The following FER variants were observed in gnomAD, a reference collection of about 807,000 sequenced individuals.
The protein encoded by FER is tyrosine-protein kinase Fer.
Under a neutral mutation model 111.0 loss-of-function variants are expected in FER, and 63 were observed. The ratio of observed to expected loss-of-function variants is 0.57; its 90% confidence interval spans 0.46 to 0.70. The LOEUF is 0.70. FER is among the 30% of genes least tolerant of loss of function. The pLI, the probability that FER is intolerant of heterozygous loss-of-function variation, is 0.00. For missense variants in FER, 914 were observed against 954.0 expected (o/e 0.96, Z 0.55); for synonymous variants, 327 against 313.9 (o/e 1.04, Z -0.44).
chr5:109,050,855 A>G (rs1200101330), intron 16 of FER, among the ~76,000 whole-genome samples: 2 of 152,190 alleles, frequency 1.3e-5, no homozygotes, highest in Non-Finnish European at 2.9e-5. Flanking sequence ...ACTTAAGGAC[A>G]ATCCTCTGTC....
At chr5:109,075,658 C>T (rs1483783455) in intron 16 of FER, among the ~76,000 whole-genome samples, 2 of 151,900 alleles carry the variant, frequency 1.3e-5, no homozygotes, top group South Asian at 2.1e-4. Context: ...CTCCTGACCT[C>T]GTGATCCACC....
At chr5:108,912,232 G>C (rs948596699) in intron 10 of FER, among the ~76,000 whole-genome samples, 3 of 152,114 alleles carry the variant, frequency 2.0e-5, no homozygotes, top group Non-Finnish European at 4.4e-5. Flanking sequence ...AGTTACTTTA[G>C]CCTTGTAGTA....
intron 5 of FER, among the ~76,000 whole-genome samples, chr5:108,860,707 A>T (rs1334187043): frequency 4.6e-5 from 7 of 152,206 alleles, no homozygotes; most frequent in Non-Finnish European, 1.5e-5. Flanking sequence ...TAGAGTAATA[A>T]GTAAAATTGT....
intron 8 of FER, among the ~76,000 whole-genome samples, chr5:108,873,423 G>A (rs907379853): frequency 2.0e-5 from 3 of 152,206 alleles, no homozygotes; most frequent in African/African-American, 7.2e-5. Context: ...GGGATTACAG[G>A]CGTGAGCCAC....
At position 108,954,930 on chromosome 5, in the gene FER, G is replaced by A; in HGVS notation, c.1531G>A (p.Asp511Asn). 1 of 1,602,366 alleles carries A rather than the reference G, an allele frequency of 6.2e-7. No homozygotes were observed. Among genetic ancestry groups the A allele is most frequent in the Non-Finnish European group, 8.5e-7 (1 of 1,174,236 alleles). ...GAGACATTTTATCATACAATATGTT[G>A]ATGTACGTTTCCAGTTTAGTTCATA... The part of the protein sequence containing the change: ...QRRHFIIQYV[D>N]NMYRFEGTGF... Residue 511 changes from aspartate to asparagine, a missense_variant and splice_region_variant, in exon 12 of 20, where the codon GAT (aspartate) becomes AAT (asparagine). Physicochemically the swap from Asp to Asn is conservative, Grantham distance 23. This residue lies in a region of FER where 774 missense variants were observed against 782.6 expected (regional missense o/e 0.99). Coordinates refer to ENST00000281092, the MANE Select transcript of FER (RefSeq NM_005246.4).
At chr5:108,809,028 T>C (rs1757480938) in intron 3 of FER, among the ~76,000 whole-genome samples, 1 of 152,242 alleles carries the variant, frequency 6.6e-6, no homozygotes, top group African/African-American at 2.4e-5. Flanking sequence ...GATTTTTTTC[T>C]TTAGTTTTGA....
At chr5:108,926,450 T>A (rs1753755011) in intron 10 of FER, among the ~76,000 whole-genome samples, 1 of 152,146 alleles carries the variant, frequency 6.6e-6, no homozygotes, top group African/African-American at 2.4e-5. Flanking sequence ...AGAATAAGAA[T>A]TTTTGCTTTG....
intron 13 of FER, among the ~76,000 whole-genome samples, chr5:108,978,846 C>G (rs1281478758): frequency 3.3e-5 from 5 of 151,998 alleles, no homozygotes; most frequent in African/African-American, 1.2e-4. Context: ...CACTTACATC[C>G]CTTAGATTAT....
intron 16 of FER, among the ~76,000 whole-genome samples, chr5:109,069,367 C>T (rs957192264): frequency 1.3e-5 from 2 of 152,122 alleles, no homozygotes; most frequent in Non-Finnish European, 2.9e-5. Flanking sequence ...TTAGACGACA[C>T]ATGGATAGTT....
intron 17 of FER, among the ~76,000 whole-genome samples, chr5:109,114,200 T>C (rs1381869142): frequency 6.6e-6 from 1 of 152,122 alleles, no homozygotes; most frequent in East Asian, 1.9e-4. Flanking sequence ...GCCATGTCTT[T>C]TGTAACTACT....
chr5:108,963,367 A>G (rs1759381805), intron 13 of FER, among the ~76,000 whole-genome samples: 1 of 151,926 alleles, frequency 6.6e-6, no homozygotes, highest in Admixed American at 6.6e-5. Context: ...GTTCAAGACC[A>G]GCCTGACTAA....
chr5:109,171,301 C>T (rs952001841), intron 17 of FER, among the ~76,000 whole-genome samples: 1 of 152,126 alleles, frequency 6.6e-6, no homozygotes, highest in Non-Finnish European at 1.5e-5. Context: ...AAATATGGAA[C>T]ACATAAGCTT....
chr5:108,889,206 A>G (rs919844054), intron 9 of FER, among the ~76,000 whole-genome samples: 7 of 151,882 alleles, frequency 4.6e-5, no homozygotes, highest in African/African-American at 1.7e-4. Flanking sequence ...TCTCACTGCT[A>G]GGTATATACT....
At chr5:108,853,068 C>G (rs1308380584) in intron 5 of FER, among the ~76,000 whole-genome samples, 1 of 152,038 alleles carries the variant, frequency 6.6e-6, no homozygotes, top group African/African-American at 2.4e-5. Flanking sequence ...TATCGGTAAG[C>G]TTCTTTGCAA....
At chr5:109,109,128 G>A (rs893599030) in intron 17 of FER, among the ~76,000 whole-genome samples, 17 of 152,082 alleles carry the variant, frequency 1.1e-4, no homozygotes, top group African/African-American at 3.6e-4. Context: ...CCACCGATTT[G>A]AAACTGGAAT....
rs570899248 is a variant in FER, at chr5:108,948,774, A to G, written c.1329+2552A>G. Among the ~76,000 whole-genome samples, 15 of 152,222 alleles carry G rather than the reference A, an allele frequency of 9.9e-5. No individual in the cohort carries two copies. The East Asian group carries it at 2.5e-3, about 25-fold the overall frequency. ...AGTGGCTGAGCAAATCGCTTGTTCC[A>G]TCTTACAGCCACTCATGAATACTAG... is the stretch of plus-strand genomic sequence containing the variant. On this transcript the variant is annotated intron_variant, in intron 11 of 19. Transcript: ENST00000281092.
intron 17 of FER, among the ~76,000 whole-genome samples, chr5:109,148,370 G>A (rs948407981): frequency 6.6e-6 from 1 of 152,082 alleles, no homozygotes; most frequent in Non-Finnish European, 1.5e-5. Flanking sequence ...TTAGAAAAAG[G>A]CTGTCAGGGA....
At chr5:108,946,055 G>A in intron 10 of FER, 75 bp from the exon 11 acceptor site, 1 of 962,618 alleles carries the variant, frequency 1.0e-6, no homozygotes. Flanking sequence ...CTGTGGATAA[G>A]TACCTAAATA....
intron 17 of FER, among the ~76,000 whole-genome samples, chr5:109,132,372 A>G (rs183615403): frequency 1.3e-5 from 2 of 152,324 alleles, no homozygotes; most frequent in African/African-American, 2.4e-5. Flanking sequence ...AGTGCTTACT[A>G]TGTGGCAGGA....
Sources: allele counts gnomAD v4.1 joint callset (sites outside exome capture counted in the v4.1 genomes callset), GRCh38; gene constraint gnomAD v4.1.1; regional missense constraint gnomAD v4.1.1; transcripts MANE v1.5; gene names NCBI Gene and HGNC (gene_info 2026-07-23, HGNC 2026-07-21).